Variants in DGKZ observed in about 807,000 individuals in gnomAD.
DGKZ encodes diacylglycerol kinase zeta.
In DGKZ, 45 loss-of-function variants were observed where a neutral mutation model predicts 142.5. The observed-to-expected ratio is 0.32, with a 90% CI of 0.25 to 0.40. The LOEUF is 0.40. Among genes scored for constraint, DGKZ ranks in the 10% least tolerant of loss-of-function variants. DGKZ has a pLI of 1.00. For missense variants in DGKZ, 755 were observed against 1,306.5 expected, an observed-to-expected ratio of 0.58 and a Z score of 6.51; for synonymous variants, 442 against 527.0, an observed-to-expected ratio of 0.84 and a Z score of 2.21.
upstream of DGKZ, chr11:46,347,270 T>C (rs1167767200): frequency 2.0e-6 from 2 of 976,186 alleles, no homozygotes; most frequent in East Asian, 2.3e-4. This position sits in a 1 kb window ranked among gnomAD's most constrained non-coding sequence, Gnocchi z 6.4. Context: ...CGGGCCGGGC[T>C]GGGGGCAGGG....
intron 1 of DGKZ, among the ~76,000 whole-genome samples, chr11:46,335,923 C>T (rs1382825343): frequency 6.6e-6 from 1 of 152,230 alleles, no homozygotes; most frequent in African/African-American, 2.4e-5. Flanking sequence ...CTGGCAGGAG[C>T]TCAGGCCCAT....
At chr11:46,350,732 G>A (rs993588167) in intron 1 of DGKZ, among the ~76,000 whole-genome samples, 3 of 152,208 alleles carry the variant, frequency 2.0e-5, no homozygotes, top group Non-Finnish European at 4.4e-5. Flanking sequence ...GCCCCTCTGG[G>A]TAGGACAGTC....
chr11:46,378,099 A>T (rs1014326978), intron 25 of DGKZ, 99 bp from the exon 26 acceptor site: 2 of 1,461,562 alleles, frequency 1.4e-6, no homozygotes, highest in Non-Finnish European at 1.9e-6. Flanking sequence ...GGCACTCAAT[A>T]AACTGTGGAA....
intron 1 of DGKZ, among the ~76,000 whole-genome samples, chr11:46,352,419 G>C (rs1941511819): frequency 6.6e-6 from 1 of 152,220 alleles, no homozygotes. Context: ...AGCTCTAGCT[G>C]CCGGGCGGAG....
intron 1 of DGKZ, among the ~76,000 whole-genome samples, chr11:46,357,798 C>G (rs1178485096): frequency 6.6e-6 from 1 of 152,078 alleles, no homozygotes; most frequent in African/African-American, 2.4e-5. Context: ...GAGGGGTGTT[C>G]CGTTGGCTGT....
At chr11:46,376,528 C>T (rs1407770797) in exon 24 of DGKZ, 1 of 1,613,822 alleles carries the variant, frequency 6.2e-7, no homozygotes, top group South Asian at 1.1e-5. Flanking sequence ...CCACAGCCAC[C>T]ACTGCCAGCC....
At chr11:46,359,233 G>T (rs1421125112) in intron 1 of DGKZ, among the ~76,000 whole-genome samples, 6 of 151,984 alleles carry the variant, frequency 3.9e-5, no homozygotes, top group African/African-American at 1.2e-4. Context: ...ACGAGGTCAG[G>T]AGTTCGAGGT....
rs1432421076 is a variant in DGKZ at position 46,367,648 on chromosome 11, C to T, written c.271-4C>T. ...TGTGCTGAGCAAGCCCATCCCGTGG[C>T]TAGGAGTCAGCGACATATGGGGAGC... On this transcript the variant is annotated splice_region_variant and splice_polypyrimidine_tract_variant and intron_variant, in intron 2 of 30. Transcript: ENST00000527911. This position sits in a 1 kb window ranked among gnomAD's most constrained non-coding sequence, Gnocchi z 4.1. 8.8e-6 allele frequency: 14 copies of T among 1,595,642 alleles called. No individual in the cohort carries two copies. The highest frequency in any genetic ancestry group is 1.2e-5 in the Non-Finnish European group (14 of 1,168,540).
chr11:46,375,628 G>T, exon 20 of DGKZ: 1 of 1,562,338 alleles, frequency 6.4e-7, no homozygotes, highest in Non-Finnish European at 8.6e-7. Flanking sequence ...CCCCTGCACA[G>T]CGAGTACGTC....
chr11:46,345,399 C>G (rs1436960479), upstream of DGKZ: 13 of 1,423,032 alleles, frequency 9.1e-6, no homozygotes, highest in African/African-American at 1.2e-4. The surrounding 1 kb of genome is among the most constrained non-coding windows in gnomAD (Gnocchi z 4.1). Context: ...GGAAGAGAGT[C>G]GCCGGGCAGG....
rs548291419 is a variant in DGKZ, at chr11:46,361,592, G to A, written c.162-5699G>A. ...GGGGAGGGGGCAGAGGAGCAGCCAC[G>A]GCTGCTAGCTCTCCAAACTAGGACT... On this transcript the variant is annotated intron_variant, in intron 1 of 30. Transcript: ENST00000527911. 1.6e-4 allele frequency: 154 copies of A among 984,612 alleles called. 1 individual carries two copies. The South Asian group carries it at 6.5e-3, about 41-fold the overall frequency. The allele number at this position is 984,612 out of a possible 1,614,324, so 61.0% of individuals were successfully genotyped here.
intron 25 of DGKZ, chr11:46,377,786 G>A (rs1590644442): frequency 7.0e-6 from 2 of 285,074 alleles, no homozygotes; most frequent in East Asian, 2.3e-4. Flanking sequence ...TGCCACCACT[G>A]GACTTCTGTC....
At chr11:46,371,721 CAAG>C (rs750286968) in exon 9 of DGKZ, 44 of 1,613,654 alleles carry the variant, frequency 2.7e-5, no homozygotes, top group South Asian at 3.3e-5. Flanking sequence ...TGAAAGCAAG[CAAG>C]AAGAAGAAGA....
chr11:46,348,983 G>C (rs1396856317), intron 1 of DGKZ, among the ~76,000 whole-genome samples: 1 of 152,076 alleles, frequency 6.6e-6, no homozygotes, highest in East Asian at 1.9e-4. Flanking sequence ...CCTTAGCTTT[G>C]CTCTGCCCCT....
At position 46,367,538 on chromosome 11, in the gene DGKZ, G is replaced by C; in HGVS notation, c.271-114G>C. ...CAGTGGGGCAGACGGAACAGAGCAGGGTCGATCGGGGCGCTGGAGTGGGTT... is the reference window on the plus strand; with the variant it reads ...CAGTGGGGCAGACGGAACAGAGCAGCGTCGATCGGGGCGCTGGAGTGGGTT... On this transcript the variant is annotated intron_variant, in intron 2 of 30. Coordinates refer to ENST00000527911, the Ensembl canonical transcript of DGKZ. The surrounding 1 kb of genome is among the most constrained non-coding windows in gnomAD (Gnocchi z 4.1). 7.9e-7 allele frequency: 1 copy of C among 1,270,750 alleles called. No homozygotes were observed. Among genetic ancestry groups the C allele is most frequent in the South Asian group, 1.4e-5 (1 of 69,730 alleles). The allele number at this position is 1,270,750 out of a possible 1,614,324, so 78.7% of individuals were successfully genotyped here. A position where few individuals can be genotyped will look rare whatever the true frequency, so the allele number is the denominator to read the frequency against.
At chr11:46,337,696 G>T (rs1404171988) in intron 1 of DGKZ, among the ~76,000 whole-genome samples, 1 of 152,048 alleles carries the variant, frequency 6.6e-6, no homozygotes, top group African/African-American at 2.4e-5. Flanking sequence ...AGGTAATTTT[G>T]ACAGTGGAGC....
intron 1 of DGKZ, chr11:46,361,777 G>T: frequency 1.5e-5 from 10 of 686,106 alleles, no homozygotes; most frequent in Non-Finnish European, 1.8e-5. Context: ...TGGGTGCGGG[G>T]AGGGTTGGAT....
intron 1 of DGKZ, among the ~76,000 whole-genome samples, chr11:46,363,090 T>TG (rs1159883749): frequency 1.3e-5 from 2 of 151,952 alleles, no homozygotes; most frequent in Admixed American, 1.3e-4. Context: ...TGTGGCGAGG[T>TG]GGAGGTGACC....
chr11:46,337,419 C>A (rs1372401170), intron 1 of DGKZ, among the ~76,000 whole-genome samples: 2 of 151,074 alleles, frequency 1.3e-5, no homozygotes, highest in Non-Finnish European at 2.9e-5. Flanking sequence ...CCTCAGCCTG[C>A]CAAGTAGCTG....
Sources: gnomAD v4.1 joint callset for allele counts (sites outside exome capture counted in the v4.1 genomes callset) on GRCh38, gnomAD v4.1.1 for gene constraint, Gnocchi (gnomAD v3.1) non-coding constraint, MANE v1.5 for transcripts, NCBI Gene and HGNC (gene_info 2026-07-23, HGNC 2026-07-21) for gene names.